Variants in MYO16 observed in about 807,000 individuals in gnomAD.
MYO16 encodes the protein unconventional myosin-XVI.
In MYO16, 94 loss-of-function variants were observed where a neutral mutation model predicts 205.3. The observed-to-expected ratio is 0.46, with a 90% CI of 0.39 to 0.54. The LOEUF (loss-of-function observed/expected upper bound fraction) is 0.54. Among genes scored for constraint, MYO16 ranks in the 20% least tolerant of loss-of-function variants. The probability of loss-of-function intolerance (pLI) is 0.00; values close to 1 mark genes in which losing one functional copy is unlikely to be tolerated. For missense variants in MYO16, 2,315 were observed against 2,387.5 expected, an observed-to-expected ratio of 0.97 and a Z score of 0.63; for synonymous variants, 988 against 954.0, an observed-to-expected ratio of 1.04 and a Z score of -0.66.
intron 27 of MYO16, among the ~76,000 whole-genome samples, chr13:109,073,082 G>A (rs1594059354): frequency 6.6e-6 from 1 of 151,182 alleles, no homozygotes; most frequent in Non-Finnish European, 1.5e-5. Flanking sequence ...GTTAAATATT[G>A]AGTATAGAGT....
intron 4 of MYO16, among the ~76,000 whole-genome samples, chr13:108,772,532 G>A (rs952312475): frequency 6.6e-6 from 1 of 151,840 alleles, no homozygotes; most frequent in Non-Finnish European, 1.5e-5. Flanking sequence ...TGTTGAAGGA[G>A]ACTAAAGAGA....
At chr13:108,614,999 C>G (rs983963907) in intron 1 of MYO16, among the ~76,000 whole-genome samples, 8 of 151,982 alleles carry the variant, frequency 5.3e-5, no homozygotes, top group Admixed American at 2.0e-4. Flanking sequence ...TATAGGTCAT[C>G]ATCAGAGCAG....
intron 12 of MYO16, among the ~76,000 whole-genome samples, chr13:108,871,354 GTGTGTGTGTC>G (rs1216858558): frequency 1.3e-5 from 2 of 149,672 alleles, no homozygotes; most frequent in Non-Finnish European, 3.0e-5. Flanking sequence ...GTGTGTGTGT[GTGTGTGTGTC>G]TGTGTGTTGG....
upstream of MYO16, among the ~76,000 whole-genome samples, chr13:108,625,898 G>A (rs578067623): frequency 6.6e-6 from 1 of 152,322 alleles, no homozygotes; most frequent in Admixed American, 6.5e-5. Context: ...GGAATTATCT[G>A]TCAGCAGACT....
In MYO16 at chr13:108,910,012, A is replaced by G. The variant is rs772375776; in HGVS notation, c.1787A>G (p.Tyr596Cys). Residue 596 changes from tyrosine (Y) to cysteine (C), a missense_variant, in exon 16 of 35, where the codon TAT becomes TGT. This residue lies in a region of MYO16 where 1,213 missense variants were observed against 1,274.4 expected (regional missense o/e 0.95). Coordinates refer to ENST00000457511, the MANE Select transcript of MYO16 (RefSeq NM_001198950.3). ...TTCTTTTCCCAACCAGCCAGAATTT[A>G]TACATATTTGCTAGAGAAATCCAGA... Reference protein sequence around the residue: ...RKQQLTGARIYTYLLEKSRLV... With the variant: ...RKQQLTGARICTYLLEKSRLV... 1.9e-6 allele frequency: 3 copies of G among 1,612,518 alleles called. No homozygotes were observed. The highest frequency in any genetic ancestry group is 2.5e-6 in the Non-Finnish European group (3 of 1,179,294).
Position 109,162,650 on chromosome 13 carries a change from G to A in MYO16, c.5165-2251G>A, listed in dbSNP as rs1878442427. Among the ~76,000 whole-genome samples the A allele has an allele frequency of 6.6e-6, 1 of 152,122 alleles. No individual in the cohort carries two copies. Among genetic ancestry groups the A allele is most frequent in the Non-Finnish European group, 1.5e-5 (1 of 68,030 alleles). ...TGCCAATCACCTTTTTGGGAGAGAA[G>A]CTCCCAGGTACCAGGCAGTGGTATT... On this transcript the variant is annotated intron_variant, in intron 32 of 34. Coordinates refer to ENST00000457511, the MANE Select transcript of MYO16 (RefSeq NM_001198950.3). This position sits in a 1 kb window ranked among gnomAD's most constrained non-coding sequence, Gnocchi z 4.6.
At chr13:108,932,627 G>A (rs1736317622) in intron 16 of MYO16, among the ~76,000 whole-genome samples, 2 of 152,088 alleles carry the variant, frequency 1.3e-5, no homozygotes, top group Admixed American at 1.3e-4. Flanking sequence ...ATTTCTCCAG[G>A]GATAGACATT....
At chr13:108,539,973 G>A in the MYO16 span, among the ~76,000 whole-genome samples, 1 of 152,050 alleles carries the variant, frequency 6.6e-6, no homozygotes, top group Admixed American at 6.6e-5. Context: ...TAGTGTCATT[G>A]CAAATGACAG....
intron 27 of MYO16, among the ~76,000 whole-genome samples, chr13:109,097,224 G>A (rs892200264): frequency 1.3e-5 from 2 of 152,174 alleles, no homozygotes; most frequent in African/African-American, 2.4e-5. Flanking sequence ...ATCTACTCAG[G>A]AGGCTGAGGC....
rs186976963 is a variant in MYO16 at position 109,057,412 on chromosome 13, A to G, written c.3335+1817A>G. ...AATTTAAAAGGTGCTTGTAAATGAG[A>G]TAATAGACATGTTGTCTCTTAATTT... On this transcript the variant is annotated intron_variant, in intron 27 of 34. Transcript: ENST00000457511. 1.3e-3 allele frequency among the ~76,000 whole-genome samples: 198 copies of G among 152,310 alleles called. 3 individuals are homozygous for G. Among genetic ancestry groups the G allele is most frequent in the Non-Finnish European group, 2.3e-3 (159 of 68,016 alleles).
chr13:108,667,468 G>T (rs144843516), intron 2 of MYO16, among the ~76,000 whole-genome samples: 1 of 152,096 alleles, frequency 6.6e-6, no homozygotes, highest in Non-Finnish European at 1.5e-5. Context: ...CTGGAAAGCT[G>T]TCTGGAGCAC....
intron 27 of MYO16, among the ~76,000 whole-genome samples, chr13:109,088,012 A>G (rs1172604088): frequency 6.6e-6 from 1 of 152,180 alleles, no homozygotes; most frequent in Non-Finnish European, 1.5e-5. Context: ...ATGAAGGATA[A>G]AGATATCGAT....
chr13:108,625,926 T>A (rs554180636), upstream of MYO16, among the ~76,000 whole-genome samples: 1 of 152,372 alleles, frequency 6.6e-6, no homozygotes, highest in South Asian at 2.1e-4. Context: ...TGAAACTACA[T>A]GTTTTACATT....
intron 20 of MYO16, among the ~76,000 whole-genome samples, chr13:108,967,894 C>T (rs2139381356): frequency 6.6e-6 from 1 of 152,306 alleles, no homozygotes; most frequent in East Asian, 1.9e-4. Context: ...CATCTCCTCC[C>T]AATGCCCTTC....
chr13:109,134,310 A>G (rs915415336), intron 31 of MYO16, among the ~76,000 whole-genome samples: 1 of 152,034 alleles, frequency 6.6e-6, no homozygotes, highest in African/African-American at 2.4e-5. Flanking sequence ...TAATTGTTTA[A>G]TGCAAAAAGG....
At chr13:109,004,107 G>A (rs1236138961) in intron 21 of MYO16, among the ~76,000 whole-genome samples, 1 of 152,126 alleles carries the variant, frequency 6.6e-6, no homozygotes, top group Non-Finnish European at 1.5e-5. Flanking sequence ...ATTCAACATT[G>A]TTTCTCAGCA....
At chr13:108,746,033 C>CAA (rs61045585) in intron 4 of MYO16, among the ~76,000 whole-genome samples, 4,651 of 149,022 alleles carry the variant, frequency 0.031, 202 homozygotes, top group African/African-American at 0.1. Context: ...TAAAAAAATA[C>CAA]AAAAAAAAAA....
At chr13:108,575,421 G>T in the MYO16 span, among the ~76,000 whole-genome samples, 1 of 152,102 alleles carries the variant, frequency 6.6e-6, no homozygotes, top group African/African-American at 2.4e-5. Flanking sequence ...TGCTGCCAAA[G>T]GGACAGCTAG....
chr13:108,983,426 G>T (rs1245639740), intron 20 of MYO16, among the ~76,000 whole-genome samples: 3 of 152,178 alleles, frequency 2.0e-5, no homozygotes, highest in Admixed American at 6.5e-5. Context: ...AGTGCCTGTT[G>T]TCCAAAAAAG....
Sources: allele counts gnomAD v4.1 joint callset (sites outside exome capture counted in the v4.1 genomes callset), GRCh38; gene constraint gnomAD v4.1.1; regional missense constraint gnomAD v4.1.1; non-coding constraint Gnocchi (gnomAD v3.1); transcripts MANE v1.5; gene names NCBI Gene and HGNC (gene_info 2026-07-23, HGNC 2026-07-21).